Variants in SCAPER observed in about 807,000 individuals in gnomAD.
SCAPER encodes S-phase cyclin A associated protein in the ER.
SCAPER carries 98 observed loss-of-function variants against 182.2 expected under a neutral mutation model. That is an observed-to-expected ratio of 0.54 (90% confidence interval 0.46 to 0.64). The LOEUF (loss-of-function observed/expected upper bound fraction) is 0.64, where lower values mean the gene tolerates loss of function less well. Among genes scored for constraint, SCAPER ranks in the 30% least tolerant of loss-of-function variants. The pLI, the probability that SCAPER is intolerant of heterozygous loss-of-function variation, is 0.00. For missense variants in SCAPER, 1,432 were observed against 1,690.0 expected, an observed-to-expected ratio of 0.85 and a Z score of 2.68; for synonymous variants, 605 against 564.6, an observed-to-expected ratio of 1.07 and a Z score of -1.01.
rs36061504 is a variant in SCAPER at position 76,352,280 on chromosome 15, AT to A, written c.4048-993del. ...ATCTGACATACTATTTGTTTTACTAATTTTTTTTTTGTCTTTTGCTTGACTC... is the reference window on the plus strand; with the variant it reads ...ATCTGACATACTATTTGTTTTACTAATTTTTTTTTGTCTTTTGCTTGACTC... On this transcript the variant is annotated intron_variant, in intron 30 of 31. Coordinates refer to ENST00000563290, the MANE Select transcript of SCAPER (RefSeq NM_020843.4). 1.1e-3 allele frequency among the ~76,000 whole-genome samples: 163 copies of A among 149,430 alleles called. 2 individuals carry two copies. Among genetic ancestry groups the A allele is most frequent in the Non-Finnish European group, 1.2e-3 (83 of 67,274 alleles).
chr15:76,551,198 C>T (rs1459969421), intron 23 of SCAPER, among the ~76,000 whole-genome samples: 1 of 152,118 alleles, frequency 6.6e-6, no homozygotes, highest in Non-Finnish European at 1.5e-5. Flanking sequence ...CCCAGCAATC[C>T]TGCTAGTGGC....
chr15:76,665,261 T>C (rs1376787376), intron 21 of SCAPER, among the ~76,000 whole-genome samples: 2 of 152,166 alleles, frequency 1.3e-5, no homozygotes, highest in Non-Finnish European at 2.9e-5. Context: ...AGCCTAGTCA[T>C]GGGATTTGAC....
At chr15:76,499,782 A>G (rs1179772319) in intron 24 of SCAPER, among the ~76,000 whole-genome samples, 3 of 152,222 alleles carry the variant, frequency 2.0e-5, no homozygotes, top group Admixed American at 6.5e-5. Flanking sequence ...ATGAAACTGA[A>G]TAAGTGGTCA....
intron 7 of SCAPER, among the ~76,000 whole-genome samples, chr15:76,798,297 T>C (rs376241639): frequency 3.4e-5 from 5 of 147,304 alleles, no homozygotes; most frequent in African/African-American, 1.3e-4. Flanking sequence ...GAGGTAGACA[T>C]CGCAGTAAGC....
chr15:76,400,459 A>G (rs1293781129), intron 27 of SCAPER, among the ~76,000 whole-genome samples: 1 of 152,234 alleles, frequency 6.6e-6, no homozygotes, highest in African/African-American at 2.4e-5. Flanking sequence ...ATAGCTTAGA[A>G]ATATAATTTT....
At chr15:76,679,642 G>A (rs2057573627) in intron 20 of SCAPER, among the ~76,000 whole-genome samples, 1 of 152,148 alleles carries the variant, frequency 6.6e-6, no homozygotes. Context: ...TAAAGCTAAT[G>A]AAATACTGTG....
Position 76,817,790 on chromosome 15 carries a change from T to C in SCAPER, c.394-13157A>G, listed in dbSNP as rs2067207911. 2.0e-5 allele frequency among the ~76,000 whole-genome samples: 3 copies of C among 152,184 alleles called. No homozygotes were observed. The South Asian group carries it at 6.2e-4, about 32-fold the overall frequency. ...AACAAAATATGTATAAGATCTATAT[T>C]AGGAAAACAACAAAACTCTGATAAA... is the stretch of plus-strand genomic sequence containing the variant. On this transcript the variant is annotated intron_variant, in intron 5 of 31. Transcript: ENST00000563290.
chr15:76,635,275 T>C (rs2053494316), intron 21 of SCAPER, among the ~76,000 whole-genome samples: 1 of 152,054 alleles, frequency 6.6e-6, no homozygotes, highest in Non-Finnish European at 1.5e-5. Flanking sequence ...CAAATACATA[T>C]CTACATTCAC....
At chr15:76,570,097 TTC>T (rs2047330727) in intron 23 of SCAPER, among the ~76,000 whole-genome samples, 1 of 152,178 alleles carries the variant, frequency 6.6e-6, no homozygotes, top group African/African-American at 2.4e-5. Flanking sequence ...TTCCAATTGC[TTC>T]TGTTAGCCAC....
At chr15:76,432,387 A>C (rs1035970809) in intron 26 of SCAPER, among the ~76,000 whole-genome samples, 5 of 152,252 alleles carry the variant, frequency 3.3e-5, no homozygotes, top group African/African-American at 4.8e-5. Context: ...TGAACAAAGT[A>C]ATCAAGGGTA....
At chr15:76,471,372 A>G in intron 24 of SCAPER, 37 bp from the exon 25 acceptor site, 1 of 1,575,526 alleles carries the variant, frequency 6.3e-7, no homozygotes, top group Non-Finnish European at 8.6e-7. Flanking sequence ...ATAAAACCCG[A>G]GCAGCTCTTC....
chr15:76,658,031 T>A (rs1244854991), intron 21 of SCAPER, among the ~76,000 whole-genome samples: 1 of 151,958 alleles, frequency 6.6e-6, no homozygotes, highest in East Asian at 1.9e-4. Context: ...CTATCACCAC[T>A]CCTATTCAGC....
At chr15:76,794,218 A>G (rs1206381914) in intron 8 of SCAPER, among the ~76,000 whole-genome samples, 1 of 152,320 alleles carries the variant, frequency 6.6e-6, no homozygotes, top group South Asian at 2.1e-4. Context: ...AAGATCTATT[A>G]TTTCACCTCA....
chr15:76,875,931 G>T (rs956428262), intron 2 of SCAPER, among the ~76,000 whole-genome samples: 1 of 152,162 alleles, frequency 6.6e-6, no homozygotes, highest in African/African-American at 2.4e-5. Context: ...GGGGGGCGGG[G>T]TCAGGCTCAG....
chr15:76,708,817 G>A (rs577683006), intron 17 of SCAPER, among the ~76,000 whole-genome samples: 1 of 152,252 alleles, frequency 6.6e-6, no homozygotes, highest in South Asian at 2.1e-4. Context: ...TGTAATCCCA[G>A]CACTTTGGGA....
intron 2 of SCAPER, among the ~76,000 whole-genome samples, chr15:76,870,206 AT>A (rs2072605970): frequency 3.3e-5 from 5 of 152,172 alleles, no homozygotes; most frequent in Admixed American, 3.3e-4. Context: ...GACTATAGTT[AT>A]AATACTTTAT....
At chr15:76,849,740 C>G (rs1012605157) in intron 4 of SCAPER, among the ~76,000 whole-genome samples, 1 of 152,206 alleles carries the variant, frequency 6.6e-6, no homozygotes, top group Admixed American at 6.5e-5. Flanking sequence ...ACCAAAAATA[C>G]GCTGCTGTGT....
At chr15:76,464,971 TCA>T (rs2049485995) in intron 25 of SCAPER, among the ~76,000 whole-genome samples, 3 of 152,142 alleles carry the variant, frequency 2.0e-5, no homozygotes, top group African/African-American at 7.2e-5. Flanking sequence ...ATTTGCATTT[TCA>T]CAGTGATTAG....
At chr15:76,348,844 A>T (rs768324448) in intron 31 of SCAPER, 108 bp from the exon 32 acceptor site, 10 of 641,332 alleles carry the variant, frequency 1.6e-5, no homozygotes, top group Admixed American at 6.5e-5. Flanking sequence ...GGAGATATCC[A>T]CTTCAAATAA....
Sources: gnomAD v4.1 joint callset for allele counts (sites outside exome capture counted in the v4.1 genomes callset) on GRCh38, gnomAD v4.1.1 for gene constraint, MANE v1.5 for transcripts, NCBI Gene and HGNC (gene_info 2026-07-23, HGNC 2026-07-21) for gene names.